Variants in CENPH observed in about 807,000 individuals in gnomAD.
The protein encoded by CENPH is CENP-H.
CENPH carries 40 observed loss-of-function variants against 42.9 expected under a neutral mutation model. The ratio of observed to expected loss-of-function variants is 0.93; its 90% CI spans 0.72 to 1.21. CENPH has a LOEUF of 1.21. CENPH is among the 50% of genes most tolerant of loss of function. The pLI, the probability that CENPH is intolerant of heterozygous loss-of-function variation, is 0.00. For synonymous variants in CENPH, 88 were observed against 96.5 expected (o/e 0.91, Z 0.52); for missense variants, 302 against 292.9 (o/e 1.03, Z -0.23).
intron 8 of CENPH, among the ~76,000 whole-genome samples, chr5:69,209,356 G>A (rs920437807): frequency 1.3e-5 from 2 of 151,872 alleles, no homozygotes; most frequent in Non-Finnish European, 2.9e-5. Flanking sequence ...GAGCCAATAC[G>A]TTGAAACCCT....
At chr5:69,193,538 G>C (rs1019332896) in intron 2 of CENPH, among the ~76,000 whole-genome samples, 4 of 151,770 alleles carry the variant, frequency 2.6e-5, no homozygotes, top group African/African-American at 9.7e-5. Flanking sequence ...GATTACTTAA[G>C]CCTGGGATAT....
chr5:69,194,523 T>C (rs1169968899), intron 2 of CENPH, 124 bp from the exon 3 acceptor site: 2 of 558,800 alleles, frequency 3.6e-6, no homozygotes, highest in Non-Finnish European at 6.5e-6. Flanking sequence ...TTTCACTGTT[T>C]CTTTTCTGTA....
rs976355497 is a variant in CENPH, at chr5:69,210,299, T to C, written c.*500T>C. On this transcript the variant is annotated 3_prime_UTR_variant, in exon 9 of 9. Coordinates refer to ENST00000283006, the MANE Select transcript of CENPH (RefSeq NM_022909.4). ...CAGACGTAAGCCACCGAGCCTGGTC[T>C]AGTTTGCATTTTTTTTCTATCAGTT... 5.3e-5 allele frequency: 8 copies of C among 152,170 alleles called. No homozygotes were observed. The highest frequency in any genetic ancestry group is 1.9e-4 in the African/African-American group (8 of 41,448). The allele number at this position is 152,170 out of a possible 1,614,324, so 9.4% of individuals were successfully genotyped here.
At chr5:69,203,132 T>C (rs1748084686) in intron 7 of CENPH, among the ~76,000 whole-genome samples, 162 bp downstream of exon 7, 1 of 152,182 alleles carries the variant, frequency 6.6e-6, no homozygotes, top group Non-Finnish European at 1.5e-5. Context: ...GTACATTTTG[T>C]TCTGTTTATT....
At chr5:69,192,301 A>G (rs915601258) in intron 2 of CENPH, among the ~76,000 whole-genome samples, 1 of 152,300 alleles carries the variant, frequency 6.6e-6, no homozygotes, top group East Asian at 1.9e-4. Context: ...TGGCTTCTCT[A>G]AGAAGATGAT....
At chr5:69,205,700 ATC>A (rs1748144042) in intron 7 of CENPH, among the ~76,000 whole-genome samples, 3 of 106,100 alleles carry the variant, frequency 2.8e-5, no homozygotes, top group African/African-American at 1.2e-4. Context: ...TTCTGTAGAT[ATC>A]TTTTTTTTTT....
chr5:69,196,116 T>C (rs564449817), intron 4 of CENPH, among the ~76,000 whole-genome samples: 1 of 152,106 alleles, frequency 6.6e-6, no homozygotes, highest in South Asian at 2.1e-4. Context: ...TTTTTTTTAT[T>C]TTTTATGGAG....
Position 69,204,919 on chromosome 5 carries a change from CTTTTTTT to C in CENPH, c.487+1960_487+1966del, listed in dbSNP as rs375795328. On this transcript the variant is annotated intron_variant, in intron 7 of 8. Transcript: ENST00000283006. The stretch of plus-strand genomic sequence containing the variant: ...GCACCCAGCCATTTTTTTTCTTTTT[CTTTTTTT>C]TTTTTTTTTTGAGATGGAGTCTCCC... Among the ~76,000 whole-genome samples, 9 of 99,418 alleles carry C rather than the reference CTTTTTTT, an allele frequency of 9.1e-5. No individual in the cohort carries two copies. The South Asian group carries it at 2.2e-3, about 25-fold the overall frequency. The allele number at this position is 99,418 out of a possible 152,430, so 65.2% of individuals were successfully genotyped here.
intron 1 of CENPH, among the ~76,000 whole-genome samples, chr5:69,191,494 A>T (rs1441225239): frequency 6.6e-6 from 1 of 152,222 alleles, no homozygotes; most frequent in Non-Finnish European, 1.5e-5. Context: ...CCTGGGCAAG[A>T]GTGCAAGACT....
At chr5:69,205,595 C>A (rs1561324804) in intron 7 of CENPH, among the ~76,000 whole-genome samples, 1 of 152,052 alleles carries the variant, frequency 6.6e-6, no homozygotes, top group Non-Finnish European at 1.5e-5. Context: ...CTCACTACAG[C>A]CTCAACTTCC....
Position 69,189,649 on chromosome 5 carries a change from C to A in CENPH, c.15C>A (p.Pro5=). 3 of 1,602,166 alleles carry A rather than the reference C, an allele frequency of 1.9e-6. No homozygotes were observed. Among genetic ancestry groups the A allele is most frequent in the Non-Finnish European group, 2.5e-6 (3 of 1,176,476 alleles). ...CTCAACCAGCAATGGAGGAGCAGCCCCAGATGCAAGACGCCGACGAGCCCG... is the reference window on the plus strand; with the variant it reads ...CTCAACCAGCAATGGAGGAGCAGCCACAGATGCAAGACGCCGACGAGCCCG... MEEQ[P]QMQDADEPAD... is the part of the protein sequence containing the mutation. Residue 5 remains proline, a synonymous_variant, in exon 1 of 9, where the codon CCC becomes CCA. Transcript: ENST00000283006.
intron 8 of CENPH, among the ~76,000 whole-genome samples, chr5:69,208,933 T>C (rs1160405980): frequency 6.6e-6 from 1 of 151,574 alleles, no homozygotes; most frequent in Non-Finnish European, 1.5e-5. Flanking sequence ...TAGCTGGGAT[T>C]ATAGGCATCT....
chr5:69,205,565 G>A (rs1387604196), intron 7 of CENPH, among the ~76,000 whole-genome samples: 1 of 151,838 alleles, frequency 6.6e-6, no homozygotes, highest in African/African-American at 2.4e-5. Flanking sequence ...CTGTTACTCA[G>A]GCTGGAGGCA....
At chr5:69,200,696 C>T (rs1049174196) in intron 5 of CENPH, among the ~76,000 whole-genome samples, 2 of 136,364 alleles carry the variant, frequency 1.5e-5, no homozygotes, top group Non-Finnish European at 3.1e-5. Flanking sequence ...TGGTCCTATC[C>T]CAAACTTTCT....
intron 5 of CENPH, among the ~76,000 whole-genome samples, chr5:69,198,059 T>G (rs565572339): frequency 6.6e-6 from 1 of 151,386 alleles, no homozygotes; most frequent in East Asian, 2.0e-4. Context: ...CAGCTGGGAC[T>G]ACAGGCGCCC....
At position 69,208,270 on chromosome 5, in the gene CENPH, A is replaced by C; in HGVS notation, c.562A>C (p.Ser188Arg). 1 of 1,594,066 alleles carries C rather than the reference A, an allele frequency of 6.3e-7. No individual in the cohort carries two copies. The highest frequency in any genetic ancestry group is 8.6e-7 in the Non-Finnish European group (1 of 1,161,910). Reference protein sequence around the residue: ...EKNKQKIDLDSMENSERIKII... With the variant: ...EKNKQKIDLDRMENSERIKII... ...GAACAAACAGAAGATTGATTTGGAC[A>C]GTATGGAAAACTCAGAGAGGATAAA... The change falls in exon 8 of 9, where the codon AGT (serine) becomes CGT (arginine). Residue 188 changes from serine to arginine, a missense_variant. Physicochemically the swap from Ser to Arg is moderately radical, Grantham distance 110. Transcript: ENST00000283006.
chr5:69,189,872 C>T, intron 1 of CENPH, 104 bp downstream of exon 1: 1 of 1,286,104 alleles, frequency 7.8e-7, no homozygotes. Context: ...TCGGTCACGT[C>T]AGGTCTCCGT....
chr5:69,193,009 A>C (rs1438553306), intron 2 of CENPH, among the ~76,000 whole-genome samples: 3 of 151,856 alleles, frequency 2.0e-5, no homozygotes, highest in Admixed American at 1.3e-4. Flanking sequence ...AGGCAGGAGA[A>C]TCGCTTGAAC....
rs758920543 is a variant in CENPH at position 69,202,587 on chromosome 5, G to A, written c.435+18G>A. The A allele has an allele frequency of 8.1e-6, 11 of 1,359,312 alleles. No individual in the cohort carries two copies. In the Admixed American group the frequency reaches 1.6e-4, roughly 20 times the overall value. The allele number at this position is 1,359,312 out of a possible 1,614,324, so 84.2% of individuals were successfully genotyped here. A position where few individuals can be genotyped will look rare whatever the true frequency, so the allele number is the denominator to read the frequency against. ...CACAGCAGGTAAACTTACACATTAG[G>A]CTGATTATGCATTCTCATGATTTTA... On this transcript the variant is annotated intron_variant, in intron 6 of 8. Transcript: ENST00000283006.
Sources: allele counts gnomAD v4.1 joint callset (sites outside exome capture counted in the v4.1 genomes callset), GRCh38; gene constraint gnomAD v4.1.1; transcripts MANE v1.5; gene names NCBI Gene and HGNC (gene_info 2026-07-23, HGNC 2026-07-21).